Variants in FOXD4 observed in about 807,000 individuals in gnomAD.
FOXD4 encodes the protein forkhead box D4, also known as forkhead box protein D4.
A neutral mutation model predicts 26.5 loss-of-function variants in FOXD4; 22 were observed. The observed-to-expected ratio is 0.83, with a 90% confidence interval of 0.59 to 1.18. The LOEUF (loss-of-function observed/expected upper bound fraction) is 1.18. FOXD4 is among the 50% of genes most tolerant of loss of function. The probability of loss-of-function intolerance (pLI) is 0.00; values close to 1 mark genes in which losing one functional copy is unlikely to be tolerated. For missense variants in FOXD4, 625 were observed against 605.8 expected, an observed-to-expected ratio of 1.03 and a Z score of -0.33; for synonymous variants, 258 against 273.7, an observed-to-expected ratio of 0.94 and a Z score of 0.57.
rs1819386916 is a variant in FOXD4 at position 117,283 on chromosome 9, C to A, written c.837G>T (p.Lys279Asn). Reference sequence around the variant, plus strand: ...TCGCCAGGTCCGCGCCTTCTGCTTTCTTCGGTGCCCCGGCATAGGCGGGGG... The same window carrying A: ...TCGCCAGGTCCGCGCCTTCTGCTTTATTCGGTGCCCCGGCATAGGCGGGGG... ...LSAPAYAGAP[K>N]KAEGADLATP... Residue 279 changes from lysine (K) to asparagine (N), a missense_variant, in exon 1 of 1, where the codon AAG (lysine) becomes AAT (asparagine). By Grantham distance (94) the Lys-to-Asn change is moderately conservative. This residue lies in a region of FOXD4 where 92 missense variants were observed against 144.2 expected (regional missense o/e 0.64). Transcript: ENST00000382500. The A allele has an allele frequency of 1.9e-6, 3 of 1,605,140 alleles. No homozygotes were observed. The highest frequency in any genetic ancestry group is 2.5e-6 in the Non-Finnish European group (3 of 1,179,828).
In FOXD4 at chr9:117,218, A is replaced by G. The variant is rs764585192; in HGVS notation, c.902T>C (p.Leu301Pro). The change falls in exon 1 of 1, where the codon CTC becomes CCC. Residue 301 changes from leucine (L) to proline (P), a missense_variant. This residue lies in a region of FOXD4 where 92 missense variants were observed against 144.2 expected (regional missense o/e 0.64). Transcript: ENST00000382500. ...PFPCCSPHLV[L>P]SLGRRARVWR... ...GACCCTTGCCCTCCTCCCAAGGCTG[A>G]GGACCAAGTGAGGGCTGCAGCACGG... The G allele has an allele frequency of 3.7e-6, 6 of 1,609,960 alleles. No homozygotes were observed. Among genetic ancestry groups the G allele is most frequent in the Non-Finnish European group, 5.1e-6 (6 of 1,179,870 alleles).
chr9:117,956 A>G lies in FOXD4; in HGVS notation c.164T>C (p.Leu55Pro). 1 of 1,611,914 alleles carries G rather than the reference A, an allele frequency of 6.2e-7. No homozygotes were observed. The highest frequency in any genetic ancestry group is 8.5e-7 in the Non-Finnish European group (1 of 1,179,776). ...QFLEQSLQPG[L>P]QVARWGGVAL... is the part of the protein sequence containing the mutation. Reference sequence around the variant, plus strand: ...AACCCCGCCCCACCGGGCCACCTGCAGCCCCGGCTGGAGCGACTGCTCTAG... The same window carrying G: ...AACCCCGCCCCACCGGGCCACCTGCGGCCCCGGCTGGAGCGACTGCTCTAG... Residue 55 changes from leucine to proline, a missense_variant, in exon 1 of 1, where the codon CTG becomes CCG. Physicochemically the swap from Leu to Pro is moderately conservative, Grantham distance 98 (BLOSUM62 -3). Around this residue, in one of 3 missense-constraint regions of FOXD4, gnomAD observed 399 missense variants for 329.4 expected, o/e 1.21. Transcript: ENST00000382500.
Position 117,680 on chromosome 9 carries a change from G to A in FOXD4, c.440C>T (p.Ala147Val). 6.2e-7 allele frequency: 1 copy of A among 1,613,146 alleles called. No individual in the cohort carries two copies. The highest frequency in any genetic ancestry group is 8.5e-7 in the Non-Finnish European group (1 of 1,179,818). Residue 147 changes from alanine to valine, a missense_variant, in exon 1 of 1, where the codon GCC becomes GTC. By Grantham distance (64) the Ala-to-Val change is moderately conservative. Transcript: ENST00000382500. ...RFPYYRRKFP[A>V]WQNSIRHNLS... The stretch of plus-strand genomic sequence containing the variant: ...GTTGTGGCGGATGCTGTTCTGCCAG[G>A]CGGGGAACTTGCGGCGGTAGTAGGG...
At position 116,717 on chromosome 9, in the gene FOXD4, G is replaced by A; in HGVS notation, c.*83C>T. Reference sequence around the variant, plus strand: ...AACAGAAGTTCGTGTTTGCTCTCCAGCGGGATTCAGATGCACACGCCCAGT... The same window carrying A: ...AACAGAAGTTCGTGTTTGCTCTCCAACGGGATTCAGATGCACACGCCCAGT... On this transcript the variant is annotated 3_prime_UTR_variant, in exon 1 of 1. Coordinates refer to ENST00000382500, the MANE Select transcript of FOXD4 (RefSeq NM_207305.5). 1.3e-6 allele frequency: 2 copies of A among 1,517,402 alleles called. No individual in the cohort carries two copies. The highest frequency in any genetic ancestry group is 1.8e-6 in the Non-Finnish European group (2 of 1,134,564). The allele number at this position is 1,517,402 out of a possible 1,614,324, so 94.0% of individuals were successfully genotyped here. A position where few individuals can be genotyped will look rare whatever the true frequency, so the allele number is the denominator to read the frequency against.
chr9:117,406 C>T lies in FOXD4; in HGVS notation c.714G>A (p.Pro238=), dbSNP rs763714345. The T allele has an allele frequency of 1.9e-6, 3 of 1,590,322 alleles. No individual in the cohort carries two copies. The highest frequency in any genetic ancestry group is 1.1e-5 in the South Asian group (1 of 90,680). ...GGTAGGCCCCCGGGACTGGCTGCGG[C>T]GGGGCAGGGGCCCCAAGCAGAGGGC... ...RPGPLLGAPA[P]PQPVPGAYPN... The change falls in exon 1 of 1, where the codon CCG becomes CCA. Residue 238 remains proline (P), a synonymous_variant. Coordinates refer to ENST00000382500, the MANE Select transcript of FOXD4 (RefSeq NM_207305.5).
chr9:118,212 A>C lies in FOXD4; in HGVS notation c.-93T>G, dbSNP rs1819428163. ...GGAAGCCCGGGATGAATGTTGCAAGAAGCAGGAACGCTAGTGGTTACCCTT... is the reference window on the plus strand; with the variant it reads ...GGAAGCCCGGGATGAATGTTGCAAGCAGCAGGAACGCTAGTGGTTACCCTT... On this transcript the variant is annotated 5_prime_UTR_variant, in exon 1 of 1. Coordinates refer to ENST00000382500, the MANE Select transcript of FOXD4 (RefSeq NM_207305.5). 1 of 1,609,076 alleles carries C rather than the reference A, an allele frequency of 6.2e-7. No homozygotes were observed. The highest frequency in any genetic ancestry group is 8.5e-7 in the Non-Finnish European group (1 of 1,178,368).
In FOXD4 at chr9:118,383, C is replaced by T. The variant is rs1332010498; in HGVS notation, c.-264G>A. Among the ~76,000 whole-genome samples, 1 of 149,928 alleles carries T rather than the reference C, an allele frequency of 6.7e-6. No homozygotes were observed. Among genetic ancestry groups the T allele is most frequent in the Admixed American group, 6.6e-5 (1 of 15,070 alleles). The stretch of plus-strand genomic sequence containing the variant: ...CTTCCCCTACCTCGGAGCGGTGCCA[C>T]TTCCTCCTAACGTAGTCCAGGGATG... On this transcript the variant is annotated 5_prime_UTR_variant, in exon 1 of 1. It adds an upstream start codon to the 5' untranslated region. Transcript: ENST00000382500.
chr9:118,147 G>A lies in FOXD4; in HGVS notation c.-28C>T. 6.2e-7 allele frequency: 1 copy of A among 1,605,686 alleles called. No individual in the cohort carries two copies. ...CGGAGCAGGTGCTTCAGTCGCAGGG[G>A]ATGTGGCGGCCGGATCACCTGGCCC... On this transcript the variant is annotated 5_prime_UTR_variant, in exon 1 of 1. Coordinates refer to ENST00000382500, the MANE Select transcript of FOXD4 (RefSeq NM_207305.5).
rs1367481257 is a variant in FOXD4 at position 118,137 on chromosome 9, A to T, written c.-18T>A. The stretch of plus-strand genomic sequence containing the variant: ...AAGTTCATGGCGGAGCAGGTGCTTC[A>T]GTCGCAGGGGATGTGGCGGCCGGAT... On this transcript the variant is annotated 5_prime_UTR_variant, in exon 1 of 1. Coordinates refer to ENST00000382500, the MANE Select transcript of FOXD4 (RefSeq NM_207305.5). 1.9e-6 allele frequency: 3 copies of T among 1,610,850 alleles called. No individual in the cohort carries two copies. The highest frequency in any genetic ancestry group is 2.5e-6 in the Non-Finnish European group (3 of 1,179,618).
chr9:116,412 TA>T lies in FOXD4; in HGVS notation c.*387del, dbSNP rs1819357459. 6.3e-6 allele frequency: 2 copies of T among 318,254 alleles called. No homozygotes were observed. The highest frequency in any genetic ancestry group is 1.2e-5 in the Non-Finnish European group (2 of 160,210). 19.7% of individuals were successfully genotyped at this position (318,254 alleles called of 1,614,324 possible). On this transcript the variant is annotated 3_prime_UTR_variant, in exon 1 of 1. Coordinates refer to ENST00000382500, the MANE Select transcript of FOXD4 (RefSeq NM_207305.5). ...CACAGAGAGTAGAAGCATTTTGCAC[TA>T]GACTTAGGAATAATACTTCCAGTTC...
At position 117,416 on chromosome 9, in the gene FOXD4, G is replaced by T. The variant is rs199684801; in HGVS notation, c.704C>A (p.Ala235Asp). The T allele has an allele frequency of 5.2e-3, 8,259 of 1,593,666 alleles. 18 individuals carry two copies. Among genetic ancestry groups the T allele is most frequent in the Non-Finnish European group, 6.4e-3 (7,501 of 1,176,506 alleles). ...CGGGACTGGCTGCGGCGGGGCAGGG[G>T]CCCCAAGCAGAGGGCCTGGGCGGGG... ...HNPRPGPLLGAPAPPQPVPGA... is the reference protein window; with the variant it reads ...HNPRPGPLLGDPAPPQPVPGA... The change falls in exon 1 of 1, where the codon GCC becomes GAC. Residue 235 changes from alanine (A) to aspartate (D), a missense_variant. Physicochemically the swap from Ala to Asp is moderately radical, Grantham distance 126 (BLOSUM62 -2). Around this residue, in one of 3 missense-constraint regions of FOXD4, gnomAD observed 399 missense variants for 329.4 expected, o/e 1.21. Transcript: ENST00000382500.
rs1257517506 is a variant in FOXD4, at chr9:117,888, C to T, written c.232G>A (p.Asp78Asn). The T allele has an allele frequency of 3.7e-6, 6 of 1,611,654 alleles. No homozygotes were observed. The highest frequency in any genetic ancestry group is 1.7e-5 in the Admixed American group (1 of 59,978). The part of the protein sequence containing the change: ...EHIEGGGGPS[D>N]PSEFGTEFRA... ...AACTCGGTGCCAAACTCTGAGGGGT[C>T]GCTCGGGCCGCCGCCGCCCTCGATG... Residue 78 changes from aspartate (D) to asparagine (N), a missense_variant, in exon 1 of 1, where the codon GAC becomes AAC. By Grantham distance (23) the Asp-to-Asn change is conservative. Coordinates refer to ENST00000382500, the MANE Select transcript of FOXD4 (RefSeq NM_207305.5).
Position 116,610 on chromosome 9 carries a change from A to T in FOXD4, c.*190T>A. 7 of 1,011,618 alleles carry T rather than the reference A, an allele frequency of 6.9e-6. No individual in the cohort carries two copies. The highest frequency in any genetic ancestry group is 1.0e-5 in the Non-Finnish European group (7 of 698,152). 62.7% of individuals were successfully genotyped at this position (1,011,618 alleles called of 1,614,324 possible). A position where few individuals can be genotyped will look rare whatever the true frequency, so the allele number is the denominator to read the frequency against. On this transcript the variant is annotated 3_prime_UTR_variant, in exon 1 of 1. Coordinates refer to ENST00000382500, the MANE Select transcript of FOXD4 (RefSeq NM_207305.5). ...CCACAACCGAAGGCAAGAAAAGATG[A>T]CTTGACGCCCTGCGAAGGTTACGTT...
Position 116,789 on chromosome 9 carries a change from C to T in FOXD4, c.*11G>A. ...GAGCAGCTGCGGGTCGCTCCCCACT[C>T]CCACCTGGCTCTAGGAGGGCCCTGC... On this transcript the variant is annotated 3_prime_UTR_variant, in exon 1 of 1. Coordinates refer to ENST00000382500, the MANE Select transcript of FOXD4 (RefSeq NM_207305.5). 6.3e-7 allele frequency: 1 copy of T among 1,584,106 alleles called. No individual in the cohort carries two copies. The highest frequency in any genetic ancestry group is 8.6e-7 in the Non-Finnish European group (1 of 1,165,360).
In FOXD4 at chr9:116,575, G is replaced by A. The variant is rs1257655723; in HGVS notation, c.*225C>T. The A allele has an allele frequency of 1.2e-6, 1 of 832,304 alleles. No homozygotes were observed. Among genetic ancestry groups the A allele is most frequent in the African/African-American group, 1.7e-5 (1 of 57,628 alleles). 51.6% of individuals were successfully genotyped at this position (832,304 alleles called of 1,614,324 possible). On this transcript the variant is annotated 3_prime_UTR_variant, in exon 1 of 1. Coordinates refer to ENST00000382500, the MANE Select transcript of FOXD4 (RefSeq NM_207305.5). The stretch of plus-strand genomic sequence containing the variant: ...CCCAGGACATGTGCAAATCGGGAAA[G>A]CCACAGAAGCCACAACCGAAGGCAA...
rs746495949 is a variant in FOXD4 at position 118,076 on chromosome 9, C to A, written c.44G>T (p.Arg15Leu). Residue 15 changes from arginine to leucine, a missense_variant, in exon 1 of 1, where the codon CGC becomes CTC. Arg to Leu is a moderately radical substitution (Grantham distance 102). Transcript: ENST00000382500. ...RAERLRSTPQ[R>L]SLRDSDGEDG... ...TTCCCCATCGGAGTCCCGGAGGCTG[C>A]GCTGCGGTGTGGAGCGAAGGCGCTC... is the stretch of plus-strand genomic sequence containing the variant. 3.1e-6 allele frequency: 5 copies of A among 1,611,890 alleles called. No individual in the cohort carries two copies. Among genetic ancestry groups the A allele is most frequent in the Non-Finnish European group, 4.2e-6 (5 of 1,179,862 alleles).
Position 118,306 on chromosome 9 carries a change from A to G in FOXD4, c.-187T>C. On this transcript the variant is annotated 5_prime_UTR_variant, in exon 1 of 1. The change abolishes the stop of an existing upstream ORF in the 5' untranslated region. Coordinates refer to ENST00000382500, the MANE Select transcript of FOXD4 (RefSeq NM_207305.5). Reference sequence around the variant, plus strand: ...TCCGGCAAAGATGCCTTCGCCTTTTATAAAAGCTTCTTCAAGACCATGTGT... The same window carrying G: ...TCCGGCAAAGATGCCTTCGCCTTTTGTAAAAGCTTCTTCAAGACCATGTGT... 2.3e-6 allele frequency: 3 copies of G among 1,283,188 alleles called. No homozygotes were observed. The highest frequency in any genetic ancestry group is 3.2e-6 in the Non-Finnish European group (3 of 931,670). The allele number at this position is 1,283,188 out of a possible 1,614,324, so 79.5% of individuals were successfully genotyped here. A position where few individuals can be genotyped will look rare whatever the true frequency, so the allele number is the denominator to read the frequency against.
Position 117,479 on chromosome 9 carries a change from G to A in FOXD4, c.641C>T (p.Pro214Leu). ...QPTPGAHLPH[P>L]FPLPAAHAAL... ...GGCGTGTGCAGCAGGTAGAGGGAAG[G>A]GGTGGGGCAGGTGGGCTCCCGGGGT... Residue 214 changes from proline to leucine, a missense_variant, in exon 1 of 1, where the codon CCC becomes CTC. Physicochemically the swap from Pro to Leu is moderately conservative, Grantham distance 98 (BLOSUM62 -3). Transcript: ENST00000382500. 6.2e-7 allele frequency: 1 copy of A among 1,608,668 alleles called. No homozygotes were observed. Among genetic ancestry groups the A allele is most frequent in the South Asian group, 1.1e-5 (1 of 90,988 alleles).
Position 117,890 on chromosome 9 carries a change from C to T in FOXD4, c.230G>A (p.Ser77Asn), listed in dbSNP as rs774139302. 9.9e-6 allele frequency: 16 copies of T among 1,611,714 alleles called. No individual in the cohort carries two copies. In the Admixed American group the frequency reaches 1.0e-4, roughly 10 times the overall value. Reference protein sequence around the residue: ...REHIEGGGGPSDPSEFGTEFR... With the variant: ...REHIEGGGGPNDPSEFGTEFR... The stretch of plus-strand genomic sequence containing the variant: ...CTCGGTGCCAAACTCTGAGGGGTCG[C>T]TCGGGCCGCCGCCGCCCTCGATGTG... The change falls in exon 1 of 1, where the codon AGC becomes AAC. Residue 77 changes from serine to asparagine, a missense_variant. By Grantham distance (46) the Ser-to-Asn change is conservative (BLOSUM62 1). Coordinates refer to ENST00000382500, the MANE Select transcript of FOXD4 (RefSeq NM_207305.5).
Sources: gnomAD v4.1 joint callset for allele counts (sites outside exome capture counted in the v4.1 genomes callset) on GRCh38, gnomAD v4.1.1 for gene constraint, gnomAD v4.1.1 regional missense constraint, MANE v1.5 for transcripts, NCBI Gene and HGNC (gene_info 2026-07-23, HGNC 2026-07-21) for gene names.